SLC9A8: variants seen among roughly 807,000 people sequenced by gnomAD.
The protein encoded by SLC9A8 is sodium/hydrogen exchanger 8.
Under a neutral mutation model 66.6 loss-of-function variants are expected in SLC9A8, and 48 were observed. That is an observed-to-expected ratio of 0.72 (90% CI 0.57 to 0.92). The LOEUF (loss-of-function observed/expected upper bound fraction) is 0.92. Ranked by LOEUF, SLC9A8 falls within the 40% of genes least tolerant of loss-of-function variation. The probability of loss-of-function intolerance (pLI) is 0.00; values close to 1 mark genes in which losing one functional copy is unlikely to be tolerated. For synonymous variants in SLC9A8, 274 were observed against 282.6 expected, an observed-to-expected ratio of 0.97 and a Z score of 0.31; for missense variants, 599 against 747.3, an observed-to-expected ratio of 0.80 and a Z score of 2.31.
intron 10 of SLC9A8, among the ~76,000 whole-genome samples, chr20:49,874,172 T>C (rs1408336984): frequency 2.0e-5 from 3 of 149,224 alleles, no homozygotes; most frequent in Non-Finnish European, 3.0e-5. Flanking sequence ...GAGGATCACA[T>C]AAACCTGGGA....
chr20:49,845,827 GT>G (rs1005464493), intron 5 of SLC9A8, among the ~76,000 whole-genome samples: 6 of 148,918 alleles, frequency 4.0e-5, no homozygotes, highest in Non-Finnish European at 3.0e-5. Context: ...AGTGTGAGAT[GT>G]TTTTTTTTTT....
intron 2 of SLC9A8, among the ~76,000 whole-genome samples, chr20:49,820,067 TG>T (rs151000783): frequency 0.018 from 2,750 of 152,308 alleles, 82 homozygotes; most frequent in African/African-American, 0.064. Context: ...CAAGTGGAAT[TG>T]CCGAGTCAAA....
At chr20:49,884,223 C>CG (rs374418684) in intron 14 of SLC9A8, 157 bp downstream of exon 14, 193 of 240,074 alleles carry the variant, frequency 8.0e-4, no homozygotes, top group African/African-American at 1.4e-3. Context: ...CACACACACA[C>CG]ACACACACAC....
intron 4 of SLC9A8, among the ~76,000 whole-genome samples, chr20:49,840,088 G>A (rs75925994): frequency 0.024 from 3,659 of 152,206 alleles, 89 homozygotes; most frequent in African/African-American, 0.065. Context: ...GATGAAAAAA[G>A]TGACACTCAG....
At chr20:49,843,854 G>A (rs1243082653) in intron 4 of SLC9A8, among the ~76,000 whole-genome samples, 2 of 152,164 alleles carry the variant, frequency 1.3e-5, no homozygotes, top group Non-Finnish European at 2.9e-5. Flanking sequence ...GACCCTCATG[G>A]ATAGACTGAT....
intron 11 of SLC9A8, among the ~76,000 whole-genome samples, chr20:49,875,568 C>T (rs1331798939): frequency 2.0e-5 from 3 of 152,128 alleles, no homozygotes; most frequent in African/African-American, 7.2e-5. Flanking sequence ...GCAGTTTGTT[C>T]AAGTTCTTGT....
At chr20:49,841,997 T>A (rs2087782326) in intron 4 of SLC9A8, among the ~76,000 whole-genome samples, 1 of 151,842 alleles carries the variant, frequency 6.6e-6, no homozygotes, top group African/African-American at 2.4e-5. Flanking sequence ...ACCTTGGCCT[T>A]CCAAAGTGTT....
chr20:49,813,188 G>A (rs1461374303), intron 1 of SLC9A8, among the ~76,000 whole-genome samples: 1 of 152,230 alleles, frequency 6.6e-6, no homozygotes, highest in African/African-American at 2.4e-5. Flanking sequence ...CGCAGGCCCG[G>A]AGAGCTGTCT....
intron 5 of SLC9A8, among the ~76,000 whole-genome samples, chr20:49,847,971 A>G (rs929663850): frequency 3.2e-5 from 4 of 126,072 alleles, no homozygotes; most frequent in Non-Finnish European, 6.2e-5. Context: ...GTGCAATGGC[A>G]CGAACTCGGC....
rs375209126 is a variant in SLC9A8 at position 49,883,989 on chromosome 20, C to T, written c.1414C>T (p.Arg472Cys). 9.3e-6 allele frequency: 15 copies of T among 1,613,484 alleles called. No homozygotes were observed. The highest frequency in any genetic ancestry group is 2.2e-5 in the South Asian group (2 of 91,076). ...GGGCGGCAGCACCATGCCCCTCATT[C>T]GCCTCATGGACATCGAGGACGCCAA... Reference protein sequence around the residue: ...LLGGSTMPLIRLMDIEDAKAH... With the variant: ...LLGGSTMPLICLMDIEDAKAH... Residue 472 changes from arginine (R) to cysteine (C), a missense_variant, in exon 14 of 16, where the codon CGC becomes TGC. Around this residue, in one of 2 missense-constraint regions of SLC9A8, gnomAD observed 467 missense variants for 626.5 expected, o/e 0.75. Coordinates refer to ENST00000361573, the MANE Select transcript of SLC9A8 (RefSeq NM_015266.3).
At chr20:49,844,992 T>G (rs374859492) in intron 4 of SLC9A8, 44 bp from the exon 5 acceptor site, 1 of 1,366,562 alleles carries the variant, frequency 7.3e-7, no homozygotes, top group East Asian at 2.3e-5. Context: ...ATTTCTTAAT[T>G]ACACAAATTC....
chr20:49,872,940 T>C (rs1475170241), intron 10 of SLC9A8, among the ~76,000 whole-genome samples: 1 of 152,162 alleles, frequency 6.6e-6, no homozygotes. Flanking sequence ...TCAGCTTCCT[T>C]ACATGAAATA....
At chr20:49,882,333 GC>G (rs780490672) in intron 13 of SLC9A8, among the ~76,000 whole-genome samples, 20 of 152,296 alleles carry the variant, frequency 1.3e-4, no homozygotes, top group Non-Finnish European at 2.4e-4. Flanking sequence ...GGAGGCGTCC[GC>G]CCCCGTCCTA....
chr20:49,829,866 A>G (rs1162351459), intron 3 of SLC9A8: 6 of 567,130 alleles, frequency 1.1e-5, no homozygotes, highest in East Asian at 4.5e-5. Flanking sequence ...GATGGAAAGA[A>G]GGGGGTGTCT....
At chr20:49,816,757 C>G (rs1378382325) in intron 2 of SLC9A8, among the ~76,000 whole-genome samples, 2 of 151,716 alleles carry the variant, frequency 1.3e-5, no homozygotes, top group African/African-American at 2.4e-5. Flanking sequence ...GAGATGGAGT[C>G]TTGCTCTGTC....
At chr20:49,887,503 C>T (rs760686307) in intron 15 of SLC9A8, among the ~76,000 whole-genome samples, 2 of 152,120 alleles carry the variant, frequency 1.3e-5, no homozygotes, top group African/African-American at 2.4e-5. Flanking sequence ...GAGATGGAGG[C>T]CTAAGGGGGT....
intron 10 of SLC9A8, 89 bp downstream of exon 10, chr20:49,864,933 C>T (rs2088899465): frequency 2.4e-6 from 2 of 828,016 alleles, no homozygotes; most frequent in Admixed American, 3.6e-5. Context: ...CACTTTTAGT[C>T]ACAAGAGACA....
At chr20:49,852,099 G>A (rs894574380) in intron 7 of SLC9A8, among the ~76,000 whole-genome samples, 6 of 152,150 alleles carry the variant, frequency 3.9e-5, no homozygotes, top group Non-Finnish European at 7.3e-5. Context: ...CTCAGATGGG[G>A]ACTGCTCTGG....
At chr20:49,846,110 G>T (rs1187942608) in intron 5 of SLC9A8, among the ~76,000 whole-genome samples, 1 of 152,034 alleles carries the variant, frequency 6.6e-6, no homozygotes, top group Non-Finnish European at 1.5e-5. Flanking sequence ...AAGTGCTGGG[G>T]TTACAGGCAT....
Sources: allele counts gnomAD v4.1 joint callset (sites outside exome capture counted in the v4.1 genomes callset), GRCh38; gene constraint gnomAD v4.1.1; regional missense constraint gnomAD v4.1.1; transcripts MANE v1.5; gene names NCBI Gene and HGNC (gene_info 2026-07-23, HGNC 2026-07-21).